Variants in CSGALNACT1 observed in about 807,000 individuals in gnomAD.
CSGALNACT1 encodes the protein chondroitin sulfate N-acetylgalactosaminyltransferase 1, also known as beta4GalNAcT-1.
In CSGALNACT1, 52 loss-of-function variants were observed where a neutral mutation model predicts 51.0. The ratio of observed to expected loss-of-function variants is 1.02; its 90% confidence interval spans 0.82 to 1.29. The LOEUF is 1.29. Ranked by LOEUF, CSGALNACT1 falls within the 50% of genes most tolerant of loss-of-function variation. The pLI is 0.00. For missense variants in CSGALNACT1, 935 were observed against 679.2 expected (o/e 1.38, Z -4.19); for synonymous variants, 341 against 254.4 (o/e 1.34, Z -3.24).
intron 1 of CSGALNACT1, among the ~76,000 whole-genome samples, chr8:19,637,782 T>C (rs2056265884): frequency 6.6e-6 from 1 of 152,006 alleles, no homozygotes; most frequent in Admixed American, 6.6e-5. Flanking sequence ...ACAAGGGAAA[T>C]TACAACCTGA....
At chr8:19,418,805 T>C (rs2057375339) in intron 7 of CSGALNACT1, 55 bp from the exon 7 acceptor site, 1 of 1,291,598 alleles carries the variant, frequency 7.7e-7, no homozygotes, top group East Asian at 2.3e-5. Flanking sequence ...GTAGTAGGTT[T>C]GTTCCTTGAC....
intron 6 of CSGALNACT1, among the ~76,000 whole-genome samples, chr8:19,425,900 C>A (rs1283846479): frequency 6.6e-6 from 1 of 152,120 alleles, no homozygotes; most frequent in African/African-American, 2.4e-5. Context: ...CAAGAATCAC[C>A]GCCCCTCCTG....
intron 1 of CSGALNACT1, among the ~76,000 whole-genome samples, chr8:19,626,517 TA>T (rs1184689933): frequency 6.6e-6 from 1 of 152,230 alleles, no homozygotes; most frequent in Non-Finnish European, 1.5e-5. Context: ...AAAATCCTTG[TA>T]ACTTAGGGTT....
chr8:19,557,760 C>A (rs1157149355), intron 3 of CSGALNACT1, among the ~76,000 whole-genome samples: 1 of 152,140 alleles, frequency 6.6e-6, no homozygotes. Context: ...TCATACCTAT[C>A]ATGTTATTAT....
At chr8:19,507,509 C>T (rs1201607194) in intron 3 of CSGALNACT1, among the ~76,000 whole-genome samples, 1 of 143,042 alleles carries the variant, frequency 7.0e-6, no homozygotes, top group Non-Finnish European at 1.5e-5. Flanking sequence ...TCCTTGTCTT[C>T]CCCTACCCAT....
At chr8:19,567,962 TG>T (rs2042229903) in intron 3 of CSGALNACT1, among the ~76,000 whole-genome samples, 1 of 152,116 alleles carries the variant, frequency 6.6e-6, no homozygotes. Context: ...ACTATGAAAA[TG>T]ATGTAACTTC....
intron 1 of CSGALNACT1, among the ~76,000 whole-genome samples, chr8:19,712,764 G>C (rs2062585921): frequency 6.6e-6 from 1 of 152,164 alleles, no homozygotes. Flanking sequence ...CCTTGCTAAA[G>C]ACAGATGAGC....
chr8:19,407,788 G>A (rs910452744), intron 9 of CSGALNACT1, among the ~76,000 whole-genome samples: 2 of 149,298 alleles, frequency 1.3e-5, no homozygotes, highest in East Asian at 1.9e-4. Flanking sequence ...TGCACATGTG[G>A]ACATTTGTGT....
intron 1 of CSGALNACT1, among the ~76,000 whole-genome samples, chr8:19,711,424 A>G (rs1796826301): frequency 6.6e-6 from 1 of 152,218 alleles, no homozygotes; most frequent in South Asian, 2.1e-4. Flanking sequence ...TGGTGATGAA[A>G]TATAGGAGAC....
At chr8:19,560,963 A>G (rs956914688) in intron 3 of CSGALNACT1, among the ~76,000 whole-genome samples, 1 of 152,246 alleles carries the variant, frequency 6.6e-6, no homozygotes, top group African/African-American at 2.4e-5. Context: ...AGCAAAATCT[A>G]AGAAGCCACA....
intron 6 of CSGALNACT1, 89 bp from the exon 6 acceptor site, chr8:19,420,607 C>G: frequency 7.3e-7 from 1 of 1,371,662 alleles, no homozygotes; most frequent in Non-Finnish European, 1.0e-6. Flanking sequence ...CCATCCACAT[C>G]TTGACCCATT....
At chr8:19,513,428 C>CTATATATATATA (rs1369189523) in intron 3 of CSGALNACT1, among the ~76,000 whole-genome samples, 1 of 82,890 alleles carries the variant, frequency 1.2e-5, no homozygotes, top group Non-Finnish European at 2.5e-5. Flanking sequence ...CTCTCTCTCT[C>CTATATATATATA]TCTCTCTCTA....
rs2065342167 is a variant in CSGALNACT1, at chr8:19,461,477, A to ATGG, written c.635-2836_635-2835insCCA. Among the ~76,000 whole-genome samples, 8 of 152,064 alleles carry ATGG rather than the reference A, an allele frequency of 5.3e-5. No homozygotes were observed. The South Asian group carries it at 1.2e-3, about 24-fold the overall frequency. ...TAACTGCACAGCAGCCACATTCACC[A>ATGG]AGGAGGGCCTATCCGCACAGCAGCC... On this transcript the variant is annotated intron_variant, in intron 4 of 9. Coordinates refer to ENST00000454498, the Ensembl canonical transcript of CSGALNACT1.
At chr8:19,687,482 CT>C (rs1485516050), upstream of CSGALNACT1, among the ~76,000 whole-genome samples, 2 of 151,960 alleles carry the variant, frequency 1.3e-5, no homozygotes, top group Admixed American at 6.6e-5. Context: ...ATGCAAATTA[CT>C]AAAAAAAAAT....
chr8:19,738,341 T>C (rs1323471938), intron 1 of CSGALNACT1, among the ~76,000 whole-genome samples: 1 of 152,224 alleles, frequency 6.6e-6, no homozygotes, highest in African/African-American at 2.4e-5. Context: ...GGATGAACCT[T>C]GAAGACATTA....
chr8:19,594,097 G>A (rs1249884175), intron 2 of CSGALNACT1, among the ~76,000 whole-genome samples: 5 of 152,152 alleles, frequency 3.3e-5, no homozygotes, highest in African/African-American at 4.8e-5. Flanking sequence ...CATATTTGAC[G>A]TCAGCAGTTT....
Position 19,412,315 on chromosome 8 carries a change from G to A in CSGALNACT1, c.1228-3621C>T, listed in dbSNP as rs191720532. On this transcript the variant is annotated intron_variant, in intron 8 of 9. Coordinates refer to ENST00000454498, the Ensembl canonical transcript of CSGALNACT1. Reference sequence around the variant, plus strand: ...TTTCCAGAGCCACAGCTCTGTGGACGATTCACGTGACAGGGATGATTATTT... The same window carrying A: ...TTTCCAGAGCCACAGCTCTGTGGACAATTCACGTGACAGGGATGATTATTT... Among the ~76,000 whole-genome samples the A allele has an allele frequency of 4.2e-3, 638 of 152,274 alleles. 6 individuals carry two copies. Among genetic ancestry groups the A allele is most frequent in the African/African-American group, 0.015 (612 of 41,568 alleles).
chr8:19,524,720 G>C (rs1294511695), intron 3 of CSGALNACT1, among the ~76,000 whole-genome samples: 1 of 152,104 alleles, frequency 6.6e-6, no homozygotes, highest in Non-Finnish European at 1.5e-5. Flanking sequence ...ATGTGATAAG[G>C]TTTGTAAGCC....
At chr8:19,725,968 T>C (rs1374789607) in intron 1 of CSGALNACT1, among the ~76,000 whole-genome samples, 1 of 152,144 alleles carries the variant, frequency 6.6e-6, no homozygotes, top group Non-Finnish European at 1.5e-5. Context: ...TCTGGACAAA[T>C]GTACAATGAC....
Sources: gnomAD v4.1 joint callset for allele counts (sites outside exome capture counted in the v4.1 genomes callset) on GRCh38, gnomAD v4.1.1 for gene constraint, MANE v1.5 for transcripts, NCBI Gene and HGNC (gene_info 2026-07-23, HGNC 2026-07-21) for gene names.